PRDM15: variants seen among roughly 807,000 people sequenced by gnomAD.
The protein encoded by PRDM15 is PR/SET domain 15.
PRDM15 carries 64 observed loss-of-function variants against 128.6 expected under a neutral mutation model. That is an observed-to-expected ratio of 0.50 (90% CI 0.41 to 0.61). The LOEUF is 0.61. PRDM15 is among the 20% of genes least tolerant of loss of function. The pLI is 0.00. For missense variants in PRDM15, 1,242 were observed against 1,569.1 expected (o/e 0.79, Z 3.52); for synonymous variants, 615 against 621.8 (o/e 0.99, Z 0.16).
Position 41,879,153 on chromosome 21 carries a change from G to T in PRDM15, c.-10+117C>A. On this transcript the variant is annotated intron_variant, in intron 1 of 23. Coordinates refer to ENST00000398548, the MANE Select transcript of PRDM15 (RefSeq NM_001040424.3). This position sits in a 1 kb window ranked among gnomAD's most constrained non-coding sequence, Gnocchi z 5.1. ...GGGCGGCGCGCGGCTGCCGGGCGCG[G>T]GGGGCGGGGGGCAGCGGGCCCAGGG... 3 of 943,406 alleles carry T rather than the reference G, an allele frequency of 3.2e-6. No homozygotes were observed. The highest frequency in any genetic ancestry group is 3.8e-6 in the Non-Finnish European group (3 of 782,712). 58.4% of individuals were successfully genotyped at this position (943,406 alleles called of 1,614,324 possible). A position where few individuals can be genotyped will look rare whatever the true frequency, so the allele number is the denominator to read the frequency against.
At chr21:41,826,445 A>G (rs1222507149) in intron 12 of PRDM15, among the ~76,000 whole-genome samples, 1 of 152,218 alleles carries the variant, frequency 6.6e-6, no homozygotes, top group African/African-American at 2.4e-5. Context: ...ATTCTTATAG[A>G]TAGTGAAATA....
rs1433516179 is a variant in PRDM15 at position 41,831,788 on chromosome 21, C to T, written c.1367-3455G>A. ...CAGTGGGAGGTGGCCTCTGCCAGGG[C>T]TGAACACAGTAGAGGTGGCCCTGTG... On this transcript the variant is annotated intron_variant, in intron 11 of 23. Transcript: ENST00000398548. Among the ~76,000 whole-genome samples, 39 of 152,280 alleles carry T rather than the reference C, an allele frequency of 2.6e-4. 1 individual carries two copies. Among genetic ancestry groups the T allele is most frequent in the Admixed American group, 6.5e-4 (10 of 15,298 alleles).
chr21:41,841,522 G>A (rs1442535494), intron 6 of PRDM15, among the ~76,000 whole-genome samples: 1 of 151,830 alleles, frequency 6.6e-6, no homozygotes, highest in African/African-American at 2.4e-5. Flanking sequence ...TAGATTGAGG[G>A]TCAGAAATAT....
At chr21:41,809,044 T>C (rs2061771880) in intron 21 of PRDM15, among the ~76,000 whole-genome samples, 1 of 152,190 alleles carries the variant, frequency 6.6e-6, no homozygotes, top group Admixed American at 6.5e-5. Flanking sequence ...CGCTACCGTT[T>C]GCTTTTCTGG....
intron 1 of PRDM15, chr21:41,874,767 CAG>C (rs2064351572): frequency 6.6e-6 from 1 of 152,074 alleles, no homozygotes; most frequent in South Asian, 2.1e-4. Flanking sequence ...GGTCAGCACT[CAG>C]AGCTGTCAGG....
Position 41,874,525 on chromosome 21 carries a change from A to ATATATATTTTTT in PRDM15, c.-10+4744_-10+4745insAAAAAATATATA. 7.9e-3 allele frequency among the ~76,000 whole-genome samples: 759 copies of ATATATATTTTTT among 95,690 alleles called. 4 individuals carry two copies. The highest frequency in any genetic ancestry group is 0.011 in the Non-Finnish European group (539 of 50,016). 62.8% of individuals were successfully genotyped at this position (95,690 alleles called of 152,430 possible). ...TGCATATATATATATATATATATAT[A>ATATATATTTTTT]TTTTTTTTTTTTTTTGAAACTTACA... On this transcript the variant is annotated intron_variant, in intron 1 of 23. Transcript: ENST00000398548.
chr21:41,854,770 C>T lies in PRDM15; in HGVS notation c.334G>A (p.Asp112Asn), dbSNP rs766427867. ...ACCAGCATCATCCAGTTGCAGTCAT[C>T]CTCGTTGGAGGTGTCGAAGCACACG... ...HPVCFDTSNE[D>N]DCNWMMLVRP... Residue 112 changes from aspartate to asparagine, a missense_variant, in exon 5 of 24, where the codon GAT (aspartate) becomes AAT (asparagine). Physicochemically the swap from Asp to Asn is conservative, Grantham distance 23. Around this residue, in one of 3 missense-constraint regions of PRDM15, gnomAD observed 612 missense variants for 717.0 expected, o/e 0.85. Transcript: ENST00000398548. This position sits in a 1 kb window ranked among gnomAD's most constrained non-coding sequence, Gnocchi z 4.6. The T allele has an allele frequency of 2.2e-5, 35 of 1,611,466 alleles. No individual in the cohort carries two copies. The highest frequency in any genetic ancestry group is 2.9e-5 in the Non-Finnish European group (34 of 1,178,362).
chr21:41,857,202 C>G lies in PRDM15; in HGVS notation c.259G>C (p.Glu87Gln). The change falls in exon 4 of 24, where the codon GAA becomes CAA. Residue 87 changes from glutamate (E) to glutamine (Q), a missense_variant. By Grantham distance (29) the Glu-to-Gln change is conservative. Around this residue, in one of 3 missense-constraint regions of PRDM15, gnomAD observed 612 missense variants for 717.0 expected, o/e 0.85. Transcript: ENST00000398548. ...PFESRRVAKW[E>Q]KESAFPLKVF... ...TTCAGGGGAAATGCAGACTCCTTTT[C>G]CCATTTGGCGACCCTCCTGGACTCA... is the stretch of plus-strand genomic sequence containing the variant. The G allele has an allele frequency of 6.2e-7, 1 of 1,613,662 alleles. No individual in the cohort carries two copies. Among genetic ancestry groups the G allele is most frequent in the Non-Finnish European group, 8.5e-7 (1 of 1,179,828 alleles).
rs774014532 is a variant in PRDM15 at position 41,804,533 on chromosome 21, C to G, written c.2733+1G>C. The G allele has an allele frequency of 6.4e-7, 1 of 1,563,328 alleles. No individual in the cohort carries two copies. The highest frequency in any genetic ancestry group is 8.7e-7 in the Non-Finnish European group (1 of 1,153,196). ...AGCCCCTGGGGCCCCATGCTGCTCA[C>G]CTGGACGATGCCAATGGAGGAGGCG... On this transcript the variant is annotated splice_donor_variant, in intron 22 of 23. Coordinates refer to ENST00000398548, the MANE Select transcript of PRDM15 (RefSeq NM_001040424.3). LOFTEE classifies it high-confidence loss of function.
intron 1 of PRDM15, chr21:41,872,062 T>C (rs907949291): frequency 6.5e-6 from 1 of 153,396 alleles, no homozygotes; most frequent in African/African-American, 2.4e-5. Flanking sequence ...GTACAAGGTT[T>C]TCTTAAGAGT....
chr21:41,815,874 C>G (rs372294415), intron 18 of PRDM15, 38 bp from the exon 19 acceptor site: 3 of 1,606,540 alleles, frequency 1.9e-6, no homozygotes, highest in Admixed American at 3.3e-5. Context: ...GCCACACCCC[C>G]ACGCAGCCCA....
rs376728777 is a variant in PRDM15 at position 41,839,541 on chromosome 21, T to A, written c.871+82A>T. Reference sequence around the variant, plus strand: ...TACACTGAGTTTTCCCGCCCCGCCCTCTGCCCCCTGCCCCGCCAGCCCTCG... The same window carrying A: ...TACACTGAGTTTTCCCGCCCCGCCCACTGCCCCCTGCCCCGCCAGCCCTCG... On this transcript the variant is annotated intron_variant, in intron 7 of 23. Coordinates refer to ENST00000398548, the MANE Select transcript of PRDM15 (RefSeq NM_001040424.3). 8.1e-3 allele frequency: 6,185 copies of A among 760,474 alleles called. 1 individual carries two copies. The highest frequency in any genetic ancestry group is 0.025 in the East Asian group (624 of 25,042). 47.1% of individuals were successfully genotyped at this position (760,474 alleles called of 1,614,324 possible). A position where few individuals can be genotyped will look rare whatever the true frequency, so the allele number is the denominator to read the frequency against.
At chr21:41,835,733 C>G (rs1299916871) in intron 10 of PRDM15, among the ~76,000 whole-genome samples, 3 of 152,202 alleles carry the variant, frequency 2.0e-5, no homozygotes, top group African/African-American at 7.2e-5. Flanking sequence ...GGGAGCCCCA[C>G]TCCAAGCACC....
intron 14 of PRDM15, among the ~76,000 whole-genome samples, chr21:41,822,252 C>G (rs909016165): frequency 6.6e-6 from 1 of 152,266 alleles, no homozygotes; most frequent in Non-Finnish European, 1.5e-5. Context: ...TTGCTCTCCA[C>G]GCCGCCCGCG....
chr21:41,817,739 A>G (rs1489169219), intron 18 of PRDM15, among the ~76,000 whole-genome samples: 4 of 152,228 alleles, frequency 2.6e-5, no homozygotes, highest in African/African-American at 9.6e-5. Flanking sequence ...CAAAAAAACA[A>G]ATGAGCACAA....
rs1337094020 is a variant in PRDM15, at chr21:41,839,785, G to A, written c.709C>T (p.Pro237Ser). 3 of 1,614,138 alleles carry A rather than the reference G, an allele frequency of 1.9e-6. No homozygotes were observed. The highest frequency in any genetic ancestry group is 1.6e-4 in the Middle Eastern group (1 of 6,084). The change falls in exon 7 of 24, where the codon CCC becomes TCC. Residue 237 changes from proline to serine, a missense_variant. Coordinates refer to ENST00000398548, the MANE Select transcript of PRDM15 (RefSeq NM_001040424.3). Reference protein sequence around the residue: ...PPGSQSEAAAPEKEQDTPRGE... With the variant: ...PPGSQSEAAASEKEQDTPRGE... Reference sequence around the variant, plus strand: ...CGGGGTGTGTCCTGCTCCTTCTCGGGAGCTGCTGCCTCGCTTTGGCTGCCT... The same window carrying A: ...CGGGGTGTGTCCTGCTCCTTCTCGGAAGCTGCTGCCTCGCTTTGGCTGCCT...
intron 10 of PRDM15, 134 bp downstream of exon 10, chr21:41,835,977 TCC>T: frequency 4.4e-6 from 1 of 229,742 alleles, no homozygotes; most frequent in South Asian, 4.2e-5. Context: ...CCGCCCACTC[TCC>T]TCCCTCCCCC....
At chr21:41,825,287 C>T (rs1019095887) in intron 13 of PRDM15, among the ~76,000 whole-genome samples, 4 of 152,282 alleles carry the variant, frequency 2.6e-5, no homozygotes, top group African/African-American at 9.6e-5. Flanking sequence ...GTGAGGACCA[C>T]GGCATGGACC....
chr21:41,810,844 G>A lies in PRDM15; in HGVS notation c.2393-8C>T, dbSNP rs2061840911. 1.9e-6 allele frequency: 3 copies of A among 1,613,542 alleles called. 1 individual carries two copies. The highest frequency in any genetic ancestry group is 2.5e-6 in the Non-Finnish European group (3 of 1,179,642). ...ACATGAAATCTTTAATCCCTGCAGAGAAAGGCGCACATAACTTCCTACGTT... is the reference window on the plus strand; with the variant it reads ...ACATGAAATCTTTAATCCCTGCAGAAAAAGGCGCACATAACTTCCTACGTT... On this transcript the variant is annotated splice_region_variant and splice_polypyrimidine_tract_variant and intron_variant, in intron 19 of 23. Coordinates refer to ENST00000398548, the MANE Select transcript of PRDM15 (RefSeq NM_001040424.3). This position sits in a 1 kb window ranked among gnomAD's most constrained non-coding sequence, Gnocchi z 6.4.
Sources: allele counts gnomAD v4.1 joint callset (sites outside exome capture counted in the v4.1 genomes callset), GRCh38; gene constraint gnomAD v4.1.1; regional missense constraint gnomAD v4.1.1; non-coding constraint Gnocchi (gnomAD v3.1); transcripts MANE v1.5; gene names NCBI Gene and HGNC (gene_info 2026-07-23, HGNC 2026-07-21).